TBC1D5: variants seen among roughly 807,000 people sequenced by gnomAD.
TBC1D5 encodes the protein TBC1 domain family, member 5.
Under a neutral mutation model 100.3 loss-of-function variants are expected in TBC1D5, and 75 were observed. The ratio of observed to expected loss-of-function variants is 0.75; its 90% CI spans 0.62 to 0.91. TBC1D5 has a LOEUF of 0.91. Ranked by LOEUF, TBC1D5 falls within the 40% of genes least tolerant of loss-of-function variation. The pLI is 0.00. For missense variants in TBC1D5, 910 were observed against 942.4 expected (o/e 0.97, Z 0.45); for synonymous variants, 323 against 325.6 (o/e 0.99, Z 0.09).
intron 19 of TBC1D5, among the ~76,000 whole-genome samples, chr3:17,180,891 G>A (rs1308231316): frequency 7.1e-6 from 1 of 141,420 alleles, no homozygotes; most frequent in Admixed American, 7.4e-5. Context: ...TATCAAAAGC[G>A]CATTTGTACC....
chr3:17,497,651 C>T (rs1425244041), intron 3 of TBC1D5, among the ~76,000 whole-genome samples: 1 of 152,184 alleles, frequency 6.6e-6, no homozygotes, highest in Non-Finnish European at 1.5e-5. Flanking sequence ...AAAATCAGTC[C>T]TATTCCATTC....
intron 15 of TBC1D5, among the ~76,000 whole-genome samples, chr3:17,261,068 A>G (rs1454279773): frequency 6.6e-6 from 1 of 152,234 alleles, no homozygotes; most frequent in African/African-American, 2.4e-5. Context: ...ACACCACTAC[A>G]TGGCTATAAA....
At chr3:17,663,159 T>C (rs2153746936) in intron 1 of TBC1D5, 1 of 152,318 alleles carries the variant, frequency 6.6e-6, no homozygotes, top group African/African-American at 2.4e-5. Context: ...CCAAAACTGA[T>C]AATTTTAAAA....
chr3:17,683,518 G>A (rs970152284), intron 1 of TBC1D5, among the ~76,000 whole-genome samples: 1 of 152,076 alleles, frequency 6.6e-6, no homozygotes, highest in African/African-American at 2.4e-5. Flanking sequence ...ATGACTAAAT[G>A]TTATACAAAA....
intron 2 of TBC1D5, among the ~76,000 whole-genome samples, chr3:17,524,227 G>T (rs1348037177): frequency 1.3e-5 from 2 of 152,094 alleles, no homozygotes; most frequent in Non-Finnish European, 2.9e-5. Flanking sequence ...AAAACAATTA[G>T]ATGTAATTTT....
intron 18 of TBC1D5, among the ~76,000 whole-genome samples, chr3:17,203,255 C>T (rs2071707629): frequency 6.6e-6 from 1 of 152,154 alleles, no homozygotes; most frequent in Non-Finnish European, 1.5e-5. Flanking sequence ...TTACATGGGG[C>T]CTGTAGCCCC....
intron 1 of TBC1D5, among the ~76,000 whole-genome samples, chr3:17,712,869 G>A (rs564030042): frequency 5.6e-4 from 85 of 152,274 alleles, no homozygotes; most frequent in African/African-American, 2.0e-3. Context: ...CAGTAATTCT[G>A]AGAGCAGATA....
chr3:17,281,603 C>T (rs1426628822), intron 15 of TBC1D5, among the ~76,000 whole-genome samples: 1 of 152,184 alleles, frequency 6.6e-6, no homozygotes, highest in Non-Finnish European at 1.5e-5. Flanking sequence ...ATATGGTAAT[C>T]ATATGTGTGC....
At chr3:17,661,706 G>A (rs559749388) in intron 1 of TBC1D5, among the ~76,000 whole-genome samples, 68 of 152,006 alleles carry the variant, frequency 4.5e-4, no homozygotes, top group African/African-American at 1.4e-3. Flanking sequence ...CACCATGTTG[G>A]CCAGGATGGT....
rs1342706789 is a variant in TBC1D5, at chr3:17,269,802, A to AAAGGACAC, written c.1246-11212_1246-11211insGTGTCCTT. Among the ~76,000 whole-genome samples, 454 of 152,244 alleles carry AAAGGACAC rather than the reference A, an allele frequency of 3.0e-3. 4 individuals carry two copies. The highest frequency in any genetic ancestry group is 0.01 in the African/African-American group (430 of 41,534). On this transcript the variant is annotated intron_variant, in intron 15 of 21. Coordinates refer to ENST00000253692, the Ensembl canonical transcript of TBC1D5. Reference sequence around the variant, plus strand: ...AGGACTATGGCCTCCAGCTACATCTATGTTGCTGTAAAGGACACAGTTTCA... The same window carrying AAAGGACAC: ...AGGACTATGGCCTCCAGCTACATCTAAAGGACACTGTTGCTGTAAAGGACACAGTTTCA...
chr3:17,735,323 G>A (rs1311395733), intron 1 of TBC1D5, among the ~76,000 whole-genome samples: 1 of 152,208 alleles, frequency 6.6e-6, no homozygotes, highest in Non-Finnish European at 1.5e-5. Flanking sequence ...GCCACTAAAA[G>A]TTACGTAGAA....
chr3:17,300,737 C>T (rs1359438440), intron 14 of TBC1D5, among the ~76,000 whole-genome samples: 3 of 152,116 alleles, frequency 2.0e-5, no homozygotes, highest in Non-Finnish European at 4.4e-5. Context: ...AGAGAAAGTA[C>T]ATTTAAAAAG....
chr3:17,271,597 C>T (rs532443290), intron 15 of TBC1D5, among the ~76,000 whole-genome samples: 1 of 152,220 alleles, frequency 6.6e-6, no homozygotes, highest in Non-Finnish European at 1.5e-5. Context: ...GCCATTTATT[C>T]CATTCTCTTG....
At chr3:17,175,760 G>A (rs1431143127) in intron 19 of TBC1D5, among the ~76,000 whole-genome samples, 1 of 152,192 alleles carries the variant, frequency 6.6e-6, no homozygotes, top group East Asian at 1.9e-4. Flanking sequence ...AAATATATAT[G>A]TTGTGCATTT....
chr3:17,227,474 C>A (rs1202207603), intron 17 of TBC1D5, among the ~76,000 whole-genome samples: 1 of 151,902 alleles, frequency 6.6e-6, no homozygotes, highest in Non-Finnish European at 1.5e-5. Context: ...CAAATTTTTT[C>A]TAAAGTTGAA....
At chr3:17,316,358 A>G (rs562152498) in intron 13 of TBC1D5, among the ~76,000 whole-genome samples, 73 of 152,346 alleles carry the variant, frequency 4.8e-4, no homozygotes, top group African/African-American at 1.7e-3. Context: ...GATTCCATTC[A>G]TCAGTAGAGA....
chr3:17,536,160 T>C (rs2096279619), intron 2 of TBC1D5, among the ~76,000 whole-genome samples: 1 of 152,178 alleles, frequency 6.6e-6, no homozygotes, highest in African/African-American at 2.4e-5. Flanking sequence ...CTTTACAAAC[T>C]GTTGAAAGAT....
intron 2 of TBC1D5, among the ~76,000 whole-genome samples, chr3:17,580,214 A>G (rs901037450): frequency 1.3e-5 from 2 of 152,166 alleles, no homozygotes; most frequent in African/African-American, 4.8e-5. Flanking sequence ...ATATTTACAA[A>G]CTTGAAACTT....
intron 3 of TBC1D5, among the ~76,000 whole-genome samples, chr3:17,473,832 A>G (rs1362914892): frequency 3.3e-5 from 5 of 151,978 alleles, no homozygotes; most frequent in African/African-American, 1.2e-4. Context: ...TCTACTTATA[A>G]TTACATTTAC....
Sources: allele counts gnomAD v4.1 joint callset (sites outside exome capture counted in the v4.1 genomes callset), GRCh38; gene constraint gnomAD v4.1.1; transcripts MANE v1.5; gene names NCBI Gene and HGNC (gene_info 2026-07-23, HGNC 2026-07-21).